The following IMPA2 variants were observed in gnomAD, a reference collection of about 807,000 sequenced individuals.
IMPA2 encodes the protein IMP 2.
A neutral mutation model predicts 35.1 loss-of-function variants in IMPA2; 32 were observed. The ratio of observed to expected loss-of-function variants is 0.91; its 90% CI spans 0.69 to 1.23. The LOEUF is 1.23. Ranked by LOEUF, IMPA2 falls within the 50% of genes most tolerant of loss-of-function variation. The pLI, the probability that IMPA2 is intolerant of heterozygous loss-of-function variation, is 0.00. For missense variants in IMPA2, 334 were observed against 387.6 expected (o/e 0.86, Z 1.16); for synonymous variants, 135 against 160.6 (o/e 0.84, Z 1.20).
intron 5 of IMPA2, among the ~76,000 whole-genome samples, chr18:12,016,797 CG>C (rs960910678): frequency 5.3e-5 from 8 of 152,216 alleles, no homozygotes; most frequent in Non-Finnish European, 1.5e-5. Context: ...ATATTGAAAA[CG>C]GGGATGCTGA....
intron 1 of IMPA2, among the ~76,000 whole-genome samples, chr18:11,989,293 C>A (rs1280081470): frequency 6.6e-6 from 1 of 152,172 alleles, no homozygotes. Context: ...GCTGAGCGCA[C>A]CTGTCGCTGG....
chr18:12,028,785 A>G, intron 6 of IMPA2, 57 bp from the exon 7 acceptor site: 2 of 1,569,870 alleles, frequency 1.3e-6, no homozygotes, highest in Middle Eastern at 1.9e-4. Context: ...GTCGGCTTGC[A>G]CACCACAGAA....
At chr18:12,025,587 ATTG>A (rs1907859757) in intron 5 of IMPA2, among the ~76,000 whole-genome samples, 1 of 151,932 alleles carries the variant, frequency 6.6e-6, no homozygotes, top group Admixed American at 6.6e-5. Flanking sequence ...GTGTCTCGTT[ATTG>A]TTGTTTTGAG....
chr18:12,008,889 A>G (rs1372139140), intron 2 of IMPA2, among the ~76,000 whole-genome samples: 1 of 152,178 alleles, frequency 6.6e-6, no homozygotes, highest in African/African-American at 2.4e-5. Context: ...GGGACTCATT[A>G]CAAAGGAGGG....
chr18:11,999,068 C>G lies in IMPA2; in HGVS notation c.111C>G (p.Ala37=). The change falls in exon 2 of 8, where the codon GCC becomes GCG. Residue 37 remains alanine (A), a synonymous_variant. Transcript: ENST00000269159. ...TTTTATTTCAGATCATCAGAAAAGC[C>G]CTTACTGAGGAAAAACGTGTCTCAA... ...ALRAGQIIRK[A]LTEEKRVSTK... The G allele has an allele frequency of 6.2e-7, 1 of 1,613,214 alleles. No individual in the cohort carries two copies. The highest frequency in any genetic ancestry group is 8.5e-7 in the Non-Finnish European group (1 of 1,179,670).
chr18:11,990,447 A>T (rs1906782115), intron 1 of IMPA2, among the ~76,000 whole-genome samples: 1 of 152,010 alleles, frequency 6.6e-6, no homozygotes. Flanking sequence ...GAGAAGATGA[A>T]AGCAGAAGGG....
chr18:12,022,209 A>G (rs549210662), intron 5 of IMPA2, among the ~76,000 whole-genome samples: 2 of 152,218 alleles, frequency 1.3e-5, no homozygotes, highest in Non-Finnish European at 2.9e-5. Flanking sequence ...CCTGCTTCCC[A>G]TGAAATCACA....
At chr18:12,017,406 T>C (rs1001122697) in intron 5 of IMPA2, among the ~76,000 whole-genome samples, 3 of 152,158 alleles carry the variant, frequency 2.0e-5, no homozygotes, top group African/African-American at 7.2e-5. Flanking sequence ...TATCACTCTC[T>C]ACCCAAAATG....
At chr18:12,007,117 G>A (rs952491747) in intron 2 of IMPA2, among the ~76,000 whole-genome samples, 7 of 152,134 alleles carry the variant, frequency 4.6e-5, no homozygotes, top group Non-Finnish European at 1.0e-4. Context: ...GCGACAGGGC[G>A]AGACTCTGTC....
intron 5 of IMPA2, among the ~76,000 whole-genome samples, chr18:12,023,306 A>G (rs1907787822): frequency 6.6e-6 from 1 of 152,164 alleles, no homozygotes; most frequent in Admixed American, 6.5e-5. Flanking sequence ...TGGCCTGAGC[A>G]GCTCATGTCG....
intron 1 of IMPA2, among the ~76,000 whole-genome samples, chr18:11,986,408 C>T (rs1568025442): frequency 6.6e-6 from 1 of 152,140 alleles, no homozygotes; most frequent in Non-Finnish European, 1.5e-5. Flanking sequence ...TCCAGTGCCC[C>T]ACCTGGTCCT....
At chr18:11,982,019 G>GAC (rs1906515639) in intron 1 of IMPA2, among the ~76,000 whole-genome samples, 1 of 152,248 alleles carries the variant, frequency 6.6e-6, no homozygotes, top group African/African-American at 2.4e-5. Context: ...CGTGACCTTT[G>GAC]CGTTTGAGTG....
intron 2 of IMPA2, among the ~76,000 whole-genome samples, chr18:12,007,285 A>G (rs1204491579): frequency 6.6e-6 from 1 of 152,222 alleles, no homozygotes; most frequent in Non-Finnish European, 1.5e-5. Context: ...GTGACTGCCA[A>G]GCACTTGAAA....
chr18:11,986,844 G>A (rs924115433), intron 1 of IMPA2, among the ~76,000 whole-genome samples: 3 of 152,226 alleles, frequency 2.0e-5, no homozygotes, highest in African/African-American at 4.8e-5. Flanking sequence ...GCCGTGTAGT[G>A]GCCCTGCCCG....
rs367999520 is a variant in IMPA2 at position 12,012,185 on chromosome 18, G to A, written c.351G>A (p.Ala117=). ...TCCTTTGCAGATTCCCGACTGTGGC[G>A]GTTAGCATTGGATTTGCTGTTCGAC... ...CNFVHRFPTV[A]VSIGFAVRQE... The change falls in exon 4 of 8, where the codon GCG becomes GCA. Residue 117 remains alanine (A), a synonymous_variant. Transcript: ENST00000269159. 6.8e-6 allele frequency: 11 copies of A among 1,614,030 alleles called. No individual in the cohort carries two copies. Among genetic ancestry groups the A allele is most frequent in the African/African-American group, 2.7e-5 (2 of 74,930 alleles).
intron 1 of IMPA2, among the ~76,000 whole-genome samples, chr18:11,998,227 G>T (rs1010634439): frequency 2.6e-5 from 4 of 152,238 alleles, no homozygotes; most frequent in Non-Finnish European, 5.9e-5. Context: ...GGCTGGACCA[G>T]AACTGGTCCC....
intron 2 of IMPA2, chr18:12,008,576 G>C (rs1158581806): frequency 2.2e-6 from 1 of 456,738 alleles, no homozygotes; most frequent in Non-Finnish European, 4.4e-6. Context: ...GCTCCACAGG[G>C]ACCAGCCTGC....
At position 12,012,182 on chromosome 18, in the gene IMPA2, G is replaced by T; in HGVS notation, c.348G>T (p.Val116=). Residue 116 remains valine, a synonymous_variant, in exon 4 of 8, where the codon GTG becomes GTT. Transcript: ENST00000269159. The part of the protein sequence containing the change: ...TCNFVHRFPT[V]AVSIGFAVRQ... ...TTTTCCTTTGCAGATTCCCGACTGT[G>T]GCGGTTAGCATTGGATTTGCTGTTC... 1 of 1,614,226 alleles carries T rather than the reference G, an allele frequency of 6.2e-7. No individual in the cohort carries two copies. Among genetic ancestry groups the T allele is most frequent in the Non-Finnish European group, 8.5e-7 (1 of 1,180,030 alleles).
At chr18:11,998,753 C>G (rs1907027980) in intron 1 of IMPA2, among the ~76,000 whole-genome samples, 1 of 152,024 alleles carries the variant, frequency 6.6e-6, no homozygotes, top group Non-Finnish European at 1.5e-5. Flanking sequence ...ACAGGTGCAA[C>G]AAAATAATTT....
Sources: gnomAD v4.1 joint callset for allele counts (sites outside exome capture counted in the v4.1 genomes callset) on GRCh38, gnomAD v4.1.1 for gene constraint, MANE v1.5 for transcripts, NCBI Gene and HGNC (gene_info 2026-07-23, HGNC 2026-07-21) for gene names.